The following C1orf21 variants were observed in gnomAD, a reference collection of about 807,000 sequenced individuals.
The protein encoded by C1orf21 is chromosome 1 open reading frame 21.
C1orf21 carries 3 observed loss-of-function variants against 18.7 expected under a neutral mutation model. That is an observed-to-expected ratio of 0.16 (90% CI 0.07 to 0.42). The LOEUF (loss-of-function observed/expected upper bound fraction) is 0.42. Among genes scored for constraint, C1orf21 ranks in the 10% least tolerant of loss-of-function variants. The probability of loss-of-function intolerance (pLI) is 0.99; values close to 1 mark genes in which losing one functional copy is unlikely to be tolerated. For missense variants in C1orf21, 104 were observed against 143.6 expected, an observed-to-expected ratio of 0.72 and a Z score of 1.41; for synonymous variants, 41 against 46.4, an observed-to-expected ratio of 0.88 and a Z score of 0.47.
rs150812628 is a variant in C1orf21 at position 184,438,478 on chromosome 1, T to C, written c.-124-38908T>C. On this transcript the variant is annotated intron_variant, in intron 1 of 5. Coordinates refer to ENST00000235307, the MANE Select transcript of C1orf21 (RefSeq NM_030806.4). Reference sequence around the variant, plus strand: ...TGTTCAGCCCCCTCAAGTTCCATAGTGCAATGTTTCCAGACACTTTTCACC... The same window carrying C: ...TGTTCAGCCCCCTCAAGTTCCATAGCGCAATGTTTCCAGACACTTTTCACC... Among the ~76,000 whole-genome samples the C allele has an allele frequency of 9.2e-5, 14 of 152,260 alleles. No homozygotes were observed. The East Asian group carries it at 2.3e-3, about 25-fold the overall frequency.
intron 3 of C1orf21, among the ~76,000 whole-genome samples, chr1:184,552,735 T>G (rs1658829760): frequency 6.6e-6 from 1 of 152,108 alleles, no homozygotes; most frequent in Non-Finnish European, 1.5e-5. Context: ...GATTACATAA[T>G]TCCAATTTTG....
chr1:184,542,808 G>A (rs1658674562), intron 3 of C1orf21, among the ~76,000 whole-genome samples: 2 of 152,202 alleles, frequency 1.3e-5, no homozygotes, highest in Non-Finnish European at 1.5e-5. Context: ...GGGAGAAGAA[G>A]GAGAGTTCAC....
At chr1:184,408,664 A>T (rs1393096543) in intron 1 of C1orf21, among the ~76,000 whole-genome samples, 1 of 152,194 alleles carries the variant, frequency 6.6e-6, no homozygotes, top group Non-Finnish European at 1.5e-5. Flanking sequence ...ACTGTTTACC[A>T]TCAAGGAGGG....
At chr1:184,548,460 G>T (rs1658763718) in intron 3 of C1orf21, among the ~76,000 whole-genome samples, 1 of 145,490 alleles carries the variant, frequency 6.9e-6, no homozygotes, top group African/African-American at 2.6e-5. Flanking sequence ...TGTCGCCCAG[G>T]CTGGAGTGCA....
Position 184,623,609 on chromosome 1 carries a change from A to T in C1orf21, c.*4053A>T, listed in dbSNP as rs1045366077. On this transcript the variant is annotated 3_prime_UTR_variant, in exon 6 of 6. Coordinates refer to ENST00000235307, the MANE Select transcript of C1orf21 (RefSeq NM_030806.4). ...CATGGTGTCATGGGTGGATGCCTGG[A>T]CTCCAGTGTGCCTGTGAGGGGCTGG... The T allele has an allele frequency of 6.6e-6, 1 of 152,282 alleles. No homozygotes were observed. Among genetic ancestry groups the T allele is most frequent in the Non-Finnish European group, 1.5e-5 (1 of 68,022 alleles). 9.4% of individuals were successfully genotyped at this position (152,282 alleles called of 1,614,324 possible). A position where few individuals can be genotyped will look rare whatever the true frequency, so the allele number is the denominator to read the frequency against.
chr1:184,434,974 A>T (rs1241820143), intron 1 of C1orf21, among the ~76,000 whole-genome samples: 1 of 152,212 alleles, frequency 6.6e-6, no homozygotes, highest in Non-Finnish European at 1.5e-5. Context: ...CTCCCTGCTT[A>T]CGTTATTACG....
intron 2 of C1orf21, among the ~76,000 whole-genome samples, chr1:184,482,624 A>G (rs1657675135): frequency 6.6e-6 from 1 of 152,234 alleles, no homozygotes; most frequent in Non-Finnish European, 1.5e-5. Context: ...TAAAAGCTAA[A>G]CATTTAAAAT....
intron 3 of C1orf21, chr1:184,540,132 T>A (rs1456832482): frequency 6.6e-6 from 1 of 152,192 alleles, no homozygotes. Context: ...GTGAAGTCAT[T>A]AAATAAAGAT....
chr1:184,460,561 G>A (rs763366127), intron 1 of C1orf21, among the ~76,000 whole-genome samples: 3 of 151,806 alleles, frequency 2.0e-5, no homozygotes, highest in African/African-American at 4.8e-5. Context: ...ACTAGGGCAC[G>A]GTACATCTGG....
At chr1:184,454,780 G>A (rs1326354121) in intron 1 of C1orf21, among the ~76,000 whole-genome samples, 4 of 152,094 alleles carry the variant, frequency 2.6e-5, no homozygotes, top group Non-Finnish European at 5.9e-5. Context: ...CTAGCATCAT[G>A]CTTCCTGTGC....
chr1:184,482,024 G>GC (rs1163311557), intron 2 of C1orf21, among the ~76,000 whole-genome samples: 7 of 152,168 alleles, frequency 4.6e-5, no homozygotes, highest in African/African-American at 1.7e-4. Flanking sequence ...ATAGTGATAG[G>GC]CCCACTTTTT....
At chr1:184,505,316 TATATATATATATATATATATATATAC>T (rs1472938824) in intron 2 of C1orf21, among the ~76,000 whole-genome samples, 5 of 128,294 alleles carry the variant, frequency 3.9e-5, no homozygotes, top group Non-Finnish European at 7.8e-5. Context: ...AATATATATA[TATATATATATATATATATATATATAC>T]ACACATGCCA....
At chr1:184,406,636 G>T (rs1171105919) in intron 1 of C1orf21, among the ~76,000 whole-genome samples, 1 of 152,152 alleles carries the variant, frequency 6.6e-6, no homozygotes, top group Non-Finnish European at 1.5e-5. Context: ...ATTCAGGAAG[G>T]ACTGGAGCCT....
chr1:184,585,877 A>T (rs941997541), intron 3 of C1orf21, among the ~76,000 whole-genome samples: 9 of 152,170 alleles, frequency 5.9e-5, no homozygotes, highest in Non-Finnish European at 1.2e-4. Context: ...ACTGGTGGGC[A>T]TTTGGGTTGA....
intron 1 of C1orf21, among the ~76,000 whole-genome samples, chr1:184,413,129 T>C (rs1401234842): frequency 6.6e-6 from 1 of 152,240 alleles, no homozygotes; most frequent in Non-Finnish European, 1.5e-5. Flanking sequence ...CTTCCTGATA[T>C]CTCTTTGGTG....
chr1:184,571,154 G>A (rs897859251), intron 3 of C1orf21, among the ~76,000 whole-genome samples: 4 of 151,820 alleles, frequency 2.6e-5, no homozygotes, highest in Non-Finnish European at 4.4e-5. Flanking sequence ...AAAATTAGCC[G>A]GGCGTAGTGG....
At chr1:184,544,657 C>T (rs897439892) in intron 3 of C1orf21, among the ~76,000 whole-genome samples, 2 of 152,214 alleles carry the variant, frequency 1.3e-5, no homozygotes, top group Non-Finnish European at 2.9e-5. Context: ...CTACATTACA[C>T]ATTACCACAA....
At chr1:184,468,915 C>T (rs1435787340) in intron 1 of C1orf21, among the ~76,000 whole-genome samples, 2 of 147,634 alleles carry the variant, frequency 1.4e-5, no homozygotes, top group Non-Finnish European at 3.0e-5. Context: ...AAGACTCCAT[C>T]CCAAAAACAA....
intron 1 of C1orf21, among the ~76,000 whole-genome samples, chr1:184,423,882 C>A (rs1265261709): frequency 8.6e-5 from 13 of 151,986 alleles, no homozygotes; most frequent in Non-Finnish European, 4.4e-5. Context: ...TCCATCCATC[C>A]ATCCATCCAT....
Sources: gnomAD v4.1 joint callset for allele counts (sites outside exome capture counted in the v4.1 genomes callset) on GRCh38, gnomAD v4.1.1 for gene constraint, MANE v1.5 for transcripts, NCBI Gene and HGNC (gene_info 2026-07-23, HGNC 2026-07-21) for gene names.